TGFBR2: variants seen among roughly 807,000 people sequenced by gnomAD.
TGFBR2 encodes the protein transforming growth factor beta receptor 2, also known as TGF-beta receptor type-2.
In TGFBR2, 18 loss-of-function variants were observed where a neutral mutation model predicts 49.0. The observed-to-expected ratio is 0.37, with a 90% CI of 0.25 to 0.54. The LOEUF is 0.54. Among genes scored for constraint, TGFBR2 ranks in the 20% least tolerant of loss-of-function variants. The probability of loss-of-function intolerance (pLI) is 0.85; values close to 1 mark genes in which losing one functional copy is unlikely to be tolerated. For synonymous variants in TGFBR2, 282 were observed against 275.9 expected, an observed-to-expected ratio of 1.02 and a Z score of -0.22; for missense variants, 525 against 722.6, an observed-to-expected ratio of 0.73 and a Z score of 3.13.
At chr3:30,663,991 T>TG (rs1422671329) in intron 3 of TGFBR2, among the ~76,000 whole-genome samples, 4 of 38,366 alleles carry the variant, frequency 1.0e-4, no homozygotes, top group East Asian at 2.0e-3. Flanking sequence ...GGGGGGGAGT[T>TG]GGGGGGGCAG....
chr3:30,653,768 CT>C (rs771888228), intron 3 of TGFBR2, among the ~76,000 whole-genome samples: 2 of 152,118 alleles, frequency 1.3e-5, no homozygotes, highest in Non-Finnish European at 2.9e-5. Flanking sequence ...AAGTATGGAT[CT>C]TTATTTCTAG....
intron 1 of TGFBR2, among the ~76,000 whole-genome samples, chr3:30,616,368 G>C (rs779411179): frequency 6.6e-6 from 1 of 152,166 alleles, no homozygotes; most frequent in Non-Finnish European, 1.5e-5. Context: ...AAGTAGAAAA[G>C]AAGTTGCAAA....
chr3:30,647,811 T>G (rs7613040), intron 2 of TGFBR2, among the ~76,000 whole-genome samples: 103,377 of 151,762 alleles, frequency 0.68, 35,690 homozygotes, highest in African/African-American at 0.8. Context: ...TGAGTAGCTG[T>G]GATTACAGGT....
At chr3:30,689,588 C>T (rs1429401880) in intron 6 of TGFBR2, among the ~76,000 whole-genome samples, 1 of 152,208 alleles carries the variant, frequency 6.6e-6, no homozygotes, top group Non-Finnish European at 1.5e-5. Context: ...CTTCAGCAGA[C>T]AGACCTTAAT....
At chr3:30,665,503 CTTT>C (rs1401288674) in intron 3 of TGFBR2, among the ~76,000 whole-genome samples, 73 of 152,286 alleles carry the variant, frequency 4.8e-4, no homozygotes, top group African/African-American at 1.7e-3. Context: ...TATGAGTTAT[CTTT>C]CTTATTGTTA....
rs1313046852 is a variant in TGFBR2 at position 30,692,757 on chromosome 3, C to G, written c.*1158C>G. On this transcript the variant is annotated 3_prime_UTR_variant, in exon 7 of 7. Coordinates refer to ENST00000295754, the MANE Select transcript of TGFBR2 (RefSeq NM_003242.6). ...GGACTATGACCTCAGGCACTCTAAA[C>G]ATATGTTTTGTTTGGTCAGCACAGC... 1 of 233,090 alleles carries G rather than the reference C, an allele frequency of 4.3e-6. No individual in the cohort carries two copies. Among genetic ancestry groups the G allele is most frequent in the African/African-American group, 2.2e-5 (1 of 45,330 alleles). 14.4% of individuals were successfully genotyped at this position (233,090 alleles called of 1,614,324 possible).
At chr3:30,640,323 A>C (rs550517616) in intron 1 of TGFBR2, among the ~76,000 whole-genome samples, 2 of 152,184 alleles carry the variant, frequency 1.3e-5, no homozygotes, top group Admixed American at 1.3e-4. Flanking sequence ...GAATTTGCCT[A>C]TTAGGGGTAG....
At chr3:30,670,836 C>A (rs1300537719) in intron 3 of TGFBR2, among the ~76,000 whole-genome samples, 1 of 152,208 alleles carries the variant, frequency 6.6e-6, no homozygotes, top group East Asian at 1.9e-4. Context: ...TATTTCAGTT[C>A]CATGAAACTA....
chr3:30,627,745 C>T (rs1016536953), intron 1 of TGFBR2, among the ~76,000 whole-genome samples: 1 of 151,852 alleles, frequency 6.6e-6, no homozygotes. Context: ...TTAGATGATA[C>T]ATGTGGCTTG....
intron 2 of TGFBR2, among the ~76,000 whole-genome samples, chr3:30,649,305 G>T (rs1698835577): frequency 6.6e-6 from 1 of 152,168 alleles, no homozygotes; most frequent in South Asian, 2.1e-4. Context: ...GGAGCAGAGG[G>T]AGGTAGATAG....
chr3:30,618,857 T>C (rs1698178342), intron 1 of TGFBR2, among the ~76,000 whole-genome samples: 1 of 152,206 alleles, frequency 6.6e-6, no homozygotes. Flanking sequence ...TTTAGACTTT[T>C]CTGAGAGTGC....
In TGFBR2 at chr3:30,661,685, T is replaced by G. The variant is rs116493417; in HGVS notation, c.455-9953T>G. ...AATCAGGATGATCTGGCTGAAAGAA[T>G]CAAAACAAAACAGAAAGAACAAACC... On this transcript the variant is annotated intron_variant, in intron 3 of 6. Coordinates refer to ENST00000295754, the MANE Select transcript of TGFBR2 (RefSeq NM_003242.6). 544 of 442,422 alleles carry G rather than the reference T, an allele frequency of 1.2e-3. 4 individuals are homozygous for G. Among genetic ancestry groups the G allele is most frequent in the African/African-American group, 0.01 (512 of 49,406 alleles). 27.4% of individuals were successfully genotyped at this position (442,422 alleles called of 1,614,324 possible). A position where few individuals can be genotyped will look rare whatever the true frequency, so the allele number is the denominator to read the frequency against.
At chr3:30,683,674 T>G (rs1359436587) in intron 5 of TGFBR2, among the ~76,000 whole-genome samples, 1 of 152,224 alleles carries the variant, frequency 6.6e-6, no homozygotes, top group African/African-American at 2.4e-5. Flanking sequence ...TAAAAATATT[T>G]TAAGCACCAT....
chr3:30,659,295 G>C (rs1488714572), intron 3 of TGFBR2, among the ~76,000 whole-genome samples: 1 of 152,298 alleles, frequency 6.6e-6, no homozygotes, highest in Non-Finnish European at 1.5e-5. Context: ...ATGGATTAAA[G>C]TTGCTAGTCT....
At chr3:30,659,054 TTAG>T (rs1699060542) in intron 3 of TGFBR2, among the ~76,000 whole-genome samples, 1 of 152,332 alleles carries the variant, frequency 6.6e-6, no homozygotes, top group Non-Finnish European at 1.5e-5. Context: ...GGGGAAATGA[TTAG>T]TTCTTGCATG....
At chr3:30,649,818 G>A (rs17838701) in intron 2 of TGFBR2, among the ~76,000 whole-genome samples, 23,540 of 152,116 alleles carry the variant, frequency 0.15, 2,080 homozygotes, top group East Asian at 0.37. Flanking sequence ...TTTGAAAACA[G>A]TATAGCTAGA....
At position 30,606,609 on chromosome 3, in the gene TGFBR2, G is replaced by T. The variant is rs1290049654; in HGVS notation, c.-275G>T. 1.7e-5 allele frequency: 6 copies of T among 349,364 alleles called. No homozygotes were observed. Among genetic ancestry groups the T allele is most frequent in the African/African-American group, 1.0e-4 (5 of 47,694 alleles). The allele number at this position is 349,364 out of a possible 1,614,324, so 21.6% of individuals were successfully genotyped here. On this transcript the variant is annotated 5_prime_UTR_variant, in exon 1 of 7. Coordinates refer to ENST00000295754, the MANE Select transcript of TGFBR2 (RefSeq NM_003242.6). Reference sequence around the variant, plus strand: ...TTGAAGTTGAGTGAGTCACTCGCGCGCACGGAGCGACGACACCCCCGCGCG... The same window carrying T: ...TTGAAGTTGAGTGAGTCACTCGCGCTCACGGAGCGACGACACCCCCGCGCG...
chr3:30,624,163 A>G (rs1008205659), intron 1 of TGFBR2, among the ~76,000 whole-genome samples: 2 of 152,062 alleles, frequency 1.3e-5, no homozygotes, highest in African/African-American at 4.8e-5. Context: ...CAAATAAACA[A>G]AATATAGAGA....
chr3:30,691,309 G>T, intron 6 of TGFBR2, 111 bp from the exon 7 acceptor site: 1 of 1,186,482 alleles, frequency 8.4e-7, no homozygotes, highest in South Asian at 1.3e-5. Context: ...AAATGCACAG[G>T]CACTTTTGGA....
Sources: gnomAD v4.1 joint callset for allele counts (sites outside exome capture counted in the v4.1 genomes callset) on GRCh38, gnomAD v4.1.1 for gene constraint, MANE v1.5 for transcripts, NCBI Gene and HGNC (gene_info 2026-07-23, HGNC 2026-07-21) for gene names.